Variants in NBPF11 observed in about 807,000 individuals in gnomAD.
NBPF11 encodes the protein NBPF family member NBPF11.
A neutral mutation model predicts 93.9 loss-of-function variants in NBPF11; 72 were observed. The ratio of observed to expected loss-of-function variants is 0.77; its 90% CI spans 0.63 to 0.93. The LOEUF is 0.93. Among genes scored for constraint, NBPF11 ranks in the 40% least tolerant of loss-of-function variants. The probability of loss-of-function intolerance (pLI) is 0.00; values close to 1 mark genes in which losing one functional copy is unlikely to be tolerated. For synonymous variants in NBPF11, 224 were observed against 304.9 expected, an observed-to-expected ratio of 0.73 and a Z score of 2.76; for missense variants, 705 against 802.2, an observed-to-expected ratio of 0.88 and a Z score of 1.46.
chr1:148,114,912 A>G (rs1571427097), intron 14 of NBPF11, among the ~76,000 whole-genome samples: 1 of 151,550 alleles, frequency 6.6e-6, no homozygotes, highest in African/African-American at 2.4e-5. Context: ...TTTAAAAAGC[A>G]TCTGTGATTT....
intron 7 of NBPF11, among the ~76,000 whole-genome samples, chr1:148,123,028 C>T (rs111839481): frequency 6.6e-6 from 1 of 151,890 alleles, no homozygotes; most frequent in Admixed American, 6.5e-5. Context: ...ACTGAAAAGA[C>T]CTTTTGCTTC....
rs1414544098 is a variant in NBPF11 at position 148,134,629 on chromosome 1, G to C, written c.-36+1043C>G. Among the ~76,000 whole-genome samples the C allele has an allele frequency of 2.8e-4, 42 of 150,610 alleles. No homozygotes were observed. The Middle Eastern group carries it at 0.017, about 61-fold the overall frequency. On this transcript the variant is annotated intron_variant, in intron 4 of 23. Coordinates refer to ENST00000682118, the MANE Select transcript of NBPF11 (RefSeq NM_001385469.3). ...AGCTCAGCATAAAGCACTCAACCAGGAGTCAAGATATTGTTATTTTCAACT... is the reference window on the plus strand; with the variant it reads ...AGCTCAGCATAAAGCACTCAACCAGCAGTCAAGATATTGTTATTTTCAACT...
chr1:148,127,789 C>A (rs1669450771), intron 4 of NBPF11, among the ~76,000 whole-genome samples: 1 of 149,310 alleles, frequency 6.7e-6, no homozygotes, highest in Non-Finnish European at 1.5e-5. Flanking sequence ...AATACAGGCG[C>A]CCGCCACCAC....
chr1:148,106,970 C>G lies in NBPF11; in HGVS notation c.2223G>C (p.Gln741His). ...CCACGTCAAGAGCCAAGCCAAGGTA[C>G]TGTTCCTCCAATGAGTAAACAGCAC... is the stretch of plus-strand genomic sequence containing the variant. ...YRSAVYSLEE[Q>H]YLGLALDVDR... is the part of the protein sequence containing the mutation. Residue 741 changes from glutamine to histidine, a missense_variant, in exon 20 of 24, where the codon CAG (glutamine) becomes CAC (histidine). Physicochemically the swap from Gln to His is conservative, Grantham distance 24 (BLOSUM62 0). Transcript: ENST00000682118. 1 of 737,378 alleles carries G rather than the reference C, an allele frequency of 1.4e-6. No homozygotes were observed. Among genetic ancestry groups the G allele is most frequent in the African/African-American group, 2.0e-5 (1 of 49,214 alleles). 45.7% of individuals were successfully genotyped at this position (737,378 alleles called of 1,614,324 possible). A position where few individuals can be genotyped will look rare whatever the true frequency, so the allele number is the denominator to read the frequency against.
At chr1:148,134,870 G>A (rs1370946217) in intron 4 of NBPF11, among the ~76,000 whole-genome samples, 3 of 151,978 alleles carry the variant, frequency 2.0e-5, no homozygotes, top group Non-Finnish European at 4.4e-5. Context: ...GGCAGCACCA[G>A]CCACTGTCGG....
intron 19 of NBPF11, among the ~76,000 whole-genome samples, chr1:148,107,463 T>C (rs1164607795): frequency 6.6e-6 from 1 of 151,698 alleles, no homozygotes; most frequent in African/African-American, 2.4e-5. Flanking sequence ...TCCATAAACT[T>C]GCTCAAGATT....
chr1:148,118,485 G>A, intron 11 of NBPF11, 135 bp downstream of exon 11: 1 of 750,102 alleles, frequency 1.3e-6, no homozygotes, highest in South Asian at 1.4e-5. Context: ...ATAAATATTT[G>A]TGTGTAGCAA....
At position 148,130,136 on chromosome 1, in the gene NBPF11, TA is replaced by T. The variant is rs1327710764; in HGVS notation, c.-35-3099del. Reference sequence around the variant, plus strand: ...TTTTTATGAATAAAAAAGATTCTACTAAAAAAAATCAATAACTGTACATATG... The same window carrying T: ...TTTTTATGAATAAAAAAGATTCTACTAAAAAAATCAATAACTGTACATATG... On this transcript the variant is annotated intron_variant, in intron 4 of 23. Coordinates refer to ENST00000682118, the MANE Select transcript of NBPF11 (RefSeq NM_001385469.3). Among the ~76,000 whole-genome samples, 40 of 150,474 alleles carry T rather than the reference TA, an allele frequency of 2.7e-4. 1 individual carries two copies. Among genetic ancestry groups the T allele is most frequent in the African/African-American group, 8.4e-4 (34 of 40,618 alleles).
In NBPF11 at chr1:148,123,711, C is replaced by T. The variant is rs1240026763; in HGVS notation, c.493+142G>A. On this transcript the variant is annotated intron_variant, in intron 7 of 23. Transcript: ENST00000682118. ...TGGGTTTCCCATTTCTGTTCTTACT[C>T]AGGAAGTCCTGATCATGTCATGGCC... 7.1e-5 allele frequency: 108 copies of T among 1,530,756 alleles called. 1 individual carries two copies. The highest frequency in any genetic ancestry group is 7.0e-4 in the Middle Eastern group (3 of 4,296). The allele number at this position is 1,530,756 out of a possible 1,614,324, so 94.8% of individuals were successfully genotyped here.
intron 6 of NBPF11, among the ~76,000 whole-genome samples, chr1:148,124,557 G>T (rs1668641360): frequency 6.6e-6 from 1 of 151,458 alleles, no homozygotes; most frequent in African/African-American, 2.4e-5. Flanking sequence ...CAGTCAGGAG[G>T]TGATTCTCAC....
At chr1:148,123,684 G>C (rs1553272167) in intron 7 of NBPF11, among the ~76,000 whole-genome samples, 169 bp downstream of exon 7, 2,335 of 130,562 alleles carry the variant, frequency 0.018, 54 homozygotes, top group African/African-American at 0.047. Flanking sequence ...CCTCCAAACC[G>C]ATGGGTTTCC....
rs1174997764 is a variant in NBPF11 at position 148,112,152 on chromosome 1, G to GTA, written c.1638-1613_1638-1612dup. On this transcript the variant is annotated intron_variant, in intron 15 of 23. Transcript: ENST00000682118. ...TTCCTTTATTATTTTTTGTGTGTAT[G>GTA]TATATATATATATTTTAATACTTTA... is the stretch of plus-strand genomic sequence containing the variant. 1.3e-4 allele frequency among the ~76,000 whole-genome samples: 16 copies of GTA among 119,694 alleles called. 2 individuals are homozygous for GTA. The highest frequency in any genetic ancestry group is 5.8e-4 in the East Asian group (2 of 3,430). 78.5% of individuals were successfully genotyped at this position (119,694 alleles called of 152,430 possible).
At chr1:148,116,337 T>A (rs1439288493) in intron 13 of NBPF11, 126 bp downstream of exon 13, 8 of 832,868 alleles carry the variant, frequency 9.6e-6, no homozygotes, top group South Asian at 2.7e-5. Context: ...AGCTGGGTTA[T>A]ATTTCACATA....
chr1:148,111,043 A>T (rs1487649893), intron 15 of NBPF11, among the ~76,000 whole-genome samples: 2 of 151,844 alleles, frequency 1.3e-5, no homozygotes, highest in African/African-American at 4.9e-5. Flanking sequence ...AAGAAAGCAT[A>T]TATACATCTC....
rs1668168770 is a variant in NBPF11, at chr1:148,122,762, T to A, written c.533A>T (p.Glu178Val). The change falls in exon 8 of 24, where the codon GAG becomes GTG. Residue 178 changes from glutamate to valine, a missense_variant. By Grantham distance (121) the Glu-to-Val change is moderately radical. Coordinates refer to ENST00000682118, the MANE Select transcript of NBPF11 (RefSeq NM_001385469.3). ...EDEDEDVQVE[E>V]DEKVLESSAP... The stretch of plus-strand genomic sequence containing the variant: ...AGATGATTCCAGTACTTTCTCATCC[T>A]CCTCAACTTGAACATCTTCATCCTC... The A allele has an allele frequency of 6.2e-7, 1 of 1,609,908 alleles. No individual in the cohort carries two copies. Among genetic ancestry groups the A allele is most frequent in the Non-Finnish European group, 8.5e-7 (1 of 1,177,458 alleles).
chr1:148,114,712 G>GCCAT (rs1666059129), intron 14 of NBPF11, among the ~76,000 whole-genome samples: 18 of 128,346 alleles, frequency 1.4e-4, no homozygotes. Context: ...AGACCATAAT[G>GCCAT]CCATATTCCC....
rs1353248617 is a variant in NBPF11, at chr1:148,140,309, A to G, written c.-276-2500T>C. On this transcript the variant is annotated intron_variant, in intron 2 of 23. Coordinates refer to ENST00000682118, the MANE Select transcript of NBPF11 (RefSeq NM_001385469.3). ...TACACGTAAATGTAAGCGCAAAACCATAAGAATCCTAGGAGATAACATAGG... is the reference window on the plus strand; with the variant it reads ...TACACGTAAATGTAAGCGCAAAACCGTAAGAATCCTAGGAGATAACATAGG... 2.6e-5 allele frequency among the ~76,000 whole-genome samples: 4 copies of G among 152,120 alleles called. No individual in the cohort carries two copies. In the South Asian group the frequency reaches 8.3e-4, roughly 32 times the overall value.
At chr1:148,131,349 C>T (rs1670305383) in intron 4 of NBPF11, among the ~76,000 whole-genome samples, 1 of 151,616 alleles carries the variant, frequency 6.6e-6, no homozygotes, top group Non-Finnish European at 1.5e-5. Context: ...CAGGCCTCCA[C>T]AGACAAGTTT....
At chr1:148,129,645 C>G (rs1410645463) in intron 4 of NBPF11, 2 of 174,474 alleles carry the variant, frequency 1.1e-5, no homozygotes, top group African/African-American at 2.4e-5. Flanking sequence ...AAAGACTGGT[C>G]AAGCTTTGTC....
Sources: gnomAD v4.1 joint callset for allele counts (sites outside exome capture counted in the v4.1 genomes callset) on GRCh38, gnomAD v4.1.1 for gene constraint, MANE v1.5 for transcripts, NCBI Gene and HGNC (gene_info 2026-07-23, HGNC 2026-07-21) for gene names.